The following TLK2 variants were observed in gnomAD, a reference collection of about 807,000 sequenced individuals.
The protein encoded by TLK2 is tousled like kinase 2.
TLK2 carries 6 observed loss-of-function variants against 117.3 expected under a neutral mutation model. The ratio of observed to expected loss-of-function variants is 0.05; its 90% CI spans 0.03 to 0.10. The LOEUF (loss-of-function observed/expected upper bound fraction) is 0.10. Among genes scored for constraint, TLK2 ranks in the 10% least tolerant of loss-of-function variants. TLK2 has a pLI of 1.00. For missense variants in TLK2, 299 were observed against 901.2 expected, an observed-to-expected ratio of 0.33 and a Z score of 8.56; for synonymous variants, 257 against 316.7, an observed-to-expected ratio of 0.81 and a Z score of 2.00.
intron 16 of TLK2, among the ~76,000 whole-genome samples, chr17:62,590,597 G>C (rs2082004441): frequency 1.3e-5 from 2 of 152,088 alleles, no homozygotes; most frequent in African/African-American, 4.8e-5. Context: ...TTTGGACATA[G>C]CGATTAACCC....
chr17:62,600,920 A>T, intron 18 of TLK2, 100 bp downstream of exon 18: 1 of 1,230,306 alleles, frequency 8.1e-7, no homozygotes, highest in Non-Finnish European at 1.1e-6. Context: ...CAGCCAAGAA[A>T]GGCTAATAAC....
chr17:62,539,743 C>G (rs1448951811), intron 7 of TLK2, among the ~76,000 whole-genome samples: 1 of 152,104 alleles, frequency 6.6e-6, no homozygotes, highest in African/African-American at 2.4e-5. Context: ...CTCAAGTGAT[C>G]CTCCCGCCTC....
chr17:62,516,082 G>A (rs1409478508), intron 2 of TLK2, among the ~76,000 whole-genome samples: 3 of 151,864 alleles, frequency 2.0e-5, no homozygotes, highest in South Asian at 2.1e-4. Flanking sequence ...CCGCCACCAC[G>A]CCCAGCTAAT....
At chr17:62,522,392 A>C (rs2076103649) in intron 4 of TLK2, 119 bp downstream of exon 4, 1 of 1,102,866 alleles carries the variant, frequency 9.1e-7, no homozygotes, top group Admixed American at 2.6e-5. Flanking sequence ...AGGTTTGTGT[A>C]TCTTAAGGGA....
At chr17:62,527,603 A>G (rs2076454879) in intron 6 of TLK2, among the ~76,000 whole-genome samples, 1 of 151,968 alleles carries the variant, frequency 6.6e-6, no homozygotes, top group South Asian at 2.1e-4. Flanking sequence ...GTTGCACGTT[A>G]CTTTTGTGAG....
chr17:62,554,760 T>C (rs985542812), intron 9 of TLK2, among the ~76,000 whole-genome samples: 1 of 151,780 alleles, frequency 6.6e-6, no homozygotes, highest in African/African-American at 2.4e-5. Flanking sequence ...GTGTCTGTGG[T>C]CCCAGCTACT....
intron 18 of TLK2, among the ~76,000 whole-genome samples, chr17:62,601,344 T>C (rs2082861392): frequency 6.6e-6 from 1 of 152,220 alleles, no homozygotes; most frequent in Admixed American, 6.5e-5. Context: ...AGCTGTGTTT[T>C]AGAAATCTGC....
At chr17:62,482,266 C>A (rs2071751007) in intron 2 of TLK2, among the ~76,000 whole-genome samples, 1 of 152,022 alleles carries the variant, frequency 6.6e-6, no homozygotes, top group African/African-American at 2.4e-5. Flanking sequence ...TGATCTTTAA[C>A]CAGTGTGATA....
intron 2 of TLK2, chr17:62,508,544 A>G (rs886882794): frequency 2.0e-6 from 2 of 985,304 alleles, no homozygotes; most frequent in African/African-American, 1.7e-5. Context: ...TACATCGGAT[A>G]TAACAAAAGG....
intron 16 of TLK2, among the ~76,000 whole-genome samples, chr17:62,592,944 G>C (rs1375438452): frequency 1.3e-5 from 2 of 152,106 alleles, no homozygotes; most frequent in African/African-American, 4.8e-5. Context: ...TTCACAGTAG[G>C]GTTTGCACTC....
At chr17:62,588,096 T>C (rs563349114) in intron 16 of TLK2, among the ~76,000 whole-genome samples, 200 of 146,374 alleles carry the variant, frequency 1.4e-3, no homozygotes, top group Non-Finnish European at 2.4e-3. Flanking sequence ...TACGTATACA[T>C]CTGTATATGT....
intron 4 of TLK2, 40 bp downstream of exon 4, chr17:62,522,313 A>G: frequency 6.4e-7 from 1 of 1,573,454 alleles, no homozygotes; most frequent in Non-Finnish European, 8.6e-7. Context: ...CTCAATTCTA[A>G]TGTACTTAGA....
intron 17 of TLK2, among the ~76,000 whole-genome samples, chr17:62,599,953 C>T (rs2082754524): frequency 6.6e-6 from 1 of 152,186 alleles, no homozygotes; most frequent in South Asian, 2.1e-4. Context: ...GTCTGTATGA[C>T]ATATTGACAT....
intron 2 of TLK2, among the ~76,000 whole-genome samples, chr17:62,494,010 G>A (rs556201631): frequency 2.8e-4 from 42 of 152,240 alleles, no homozygotes; most frequent in Admixed American, 5.9e-4. Flanking sequence ...TAGTCAAACC[G>A]TAGGTTACTT....
intron 2 of TLK2, among the ~76,000 whole-genome samples, chr17:62,482,951 T>C (rs1207083448): frequency 6.6e-6 from 1 of 152,208 alleles, no homozygotes; most frequent in Non-Finnish European, 1.5e-5. Context: ...ATATTCTTAA[T>C]TTCTTTGGCC....
Position 62,553,568 on chromosome 17 carries a change from T to G in TLK2, c.628-95T>G. On this transcript the variant is annotated intron_variant, in intron 8 of 21. Transcript: ENST00000346027. ...TAGGCCATTTGTGTGAGCAAGTGCT[T>G]TTTCCCACCCCCCCGAGAAAGGTAA... is the stretch of plus-strand genomic sequence containing the variant. 9.2e-6 allele frequency: 8 copies of G among 869,152 alleles called. No homozygotes were observed. In the South Asian group the frequency reaches 1.1e-4, roughly 12 times the overall value. The allele number at this position is 869,152 out of a possible 1,614,324, so 53.8% of individuals were successfully genotyped here.
At chr17:62,477,322 C>T (rs1399107994), upstream of TLK2, among the ~76,000 whole-genome samples, 1 of 152,100 alleles carries the variant, frequency 6.6e-6, no homozygotes, top group African/African-American at 2.4e-5. Flanking sequence ...TGTCTTCTTC[C>T]AACACTGTTC....
chr17:62,570,383 G>A (rs955423599), intron 11 of TLK2, among the ~76,000 whole-genome samples: 2 of 152,056 alleles, frequency 1.3e-5, no homozygotes, highest in African/African-American at 4.8e-5. Context: ...AAGGGCGAGC[G>A]CTCTCTAAAA....
chr17:62,573,198 G>A lies in TLK2; in HGVS notation c.969-17G>A, dbSNP rs752341637. ...TTTTGACTTTCTTTCTTTGTACAAC[G>A]TCTTTTATATCTCTAGGCAACAGGA... On this transcript the variant is annotated splice_polypyrimidine_tract_variant and intron_variant, in intron 11 of 21. Coordinates refer to ENST00000346027, the MANE Select transcript of TLK2 (RefSeq NM_006852.6). 3.7e-6 allele frequency: 6 copies of A among 1,603,772 alleles called. No individual in the cohort carries two copies. Among genetic ancestry groups the A allele is most frequent in the South Asian group, 3.4e-5 (3 of 89,528 alleles).
Sources: gnomAD v4.1 joint callset for allele counts (sites outside exome capture counted in the v4.1 genomes callset) on GRCh38, gnomAD v4.1.1 for gene constraint, MANE v1.5 for transcripts, NCBI Gene and HGNC (gene_info 2026-07-23, HGNC 2026-07-21) for gene names.